TSPAN5: variants seen among roughly 807,000 people sequenced by gnomAD.
TSPAN5 encodes tetraspanin-5.
A neutral mutation model predicts 37.1 loss-of-function variants in TSPAN5; 10 were observed. The ratio of observed to expected loss-of-function variants is 0.27; its 90% CI spans 0.17 to 0.46. The LOEUF is 0.46. Among genes scored for constraint, TSPAN5 ranks in the 20% least tolerant of loss-of-function variants. The pLI, the probability that TSPAN5 is intolerant of heterozygous loss-of-function variation, is 1.00. For synonymous variants in TSPAN5, 110 were observed against 118.9 expected (o/e 0.93, Z 0.48); for missense variants, 195 against 326.6 (o/e 0.60, Z 3.11).
At chr4:98,554,777 C>T (rs1359278582) in intron 1 of TSPAN5, among the ~76,000 whole-genome samples, 4 of 152,128 alleles carry the variant, frequency 2.6e-5, no homozygotes, top group African/African-American at 7.2e-5. Context: ...GACCTGAAGG[C>T]CAGATCCACA....
intron 1 of TSPAN5, among the ~76,000 whole-genome samples, chr4:98,568,531 C>T (rs1755055864): frequency 6.6e-6 from 1 of 151,948 alleles, no homozygotes; most frequent in Non-Finnish European, 1.5e-5. Context: ...GACAGTCCCC[C>T]ACCCCCAGCC....
At chr4:98,545,536 T>A (rs902006277) in intron 1 of TSPAN5, among the ~76,000 whole-genome samples, 1 of 146,190 alleles carries the variant, frequency 6.8e-6, no homozygotes, top group African/African-American at 2.5e-5. Flanking sequence ...CACATAAGAC[T>A]TTTTTTTTTT....
chr4:98,624,258 T>C (rs1180780832), intron 1 of TSPAN5, among the ~76,000 whole-genome samples: 2 of 151,206 alleles, frequency 1.3e-5, no homozygotes, highest in East Asian at 1.9e-4. Flanking sequence ...AGAATTGAAA[T>C]ACAAACCTTT....
At chr4:98,537,844 T>C (rs1754271317) in intron 1 of TSPAN5, among the ~76,000 whole-genome samples, 1 of 152,232 alleles carries the variant, frequency 6.6e-6, no homozygotes, top group African/African-American at 2.4e-5. Flanking sequence ...GGCAAGGTCA[T>C]CCTGGTTTTG....
At chr4:98,544,737 C>A (rs1578981418) in intron 1 of TSPAN5, among the ~76,000 whole-genome samples, 1 of 152,244 alleles carries the variant, frequency 6.6e-6, no homozygotes, top group African/African-American at 2.4e-5. Flanking sequence ...AAAAGAACAT[C>A]TTAGCAGTGA....
At chr4:98,579,968 C>T (rs1235760101) in intron 1 of TSPAN5, among the ~76,000 whole-genome samples, 5 of 152,198 alleles carry the variant, frequency 3.3e-5, no homozygotes, top group South Asian at 2.1e-4. Context: ...AAAGAATGAA[C>T]GTATCATATA....
rs373595576 is a variant in TSPAN5, at chr4:98,513,320, T to C, written c.82-5592A>G. Among the ~76,000 whole-genome samples, 142 of 152,116 alleles carry C rather than the reference T, an allele frequency of 9.3e-4. 1 individual carries two copies. The highest frequency in any genetic ancestry group is 5.9e-4 in the Admixed American group (9 of 15,272). On this transcript the variant is annotated intron_variant, in intron 1 of 7. Transcript: ENST00000305798. Reference sequence around the variant, plus strand: ...GCCAGGAAGCCATTTAAAGGCCAGCTATGTGTGGTGAGCAGGGGTGGGGTA... The same window carrying C: ...GCCAGGAAGCCATTTAAAGGCCAGCCATGTGTGGTGAGCAGGGGTGGGGTA...
At chr4:98,490,945 C>G (rs1185485443) in intron 2 of TSPAN5, among the ~76,000 whole-genome samples, 1 of 152,022 alleles carries the variant, frequency 6.6e-6, no homozygotes, top group Non-Finnish European at 1.5e-5. Flanking sequence ...GCCTGTAGTT[C>G]CAGCAACTCG....
intron 1 of TSPAN5, chr4:98,560,253 C>T (rs1156294807): frequency 6.6e-6 from 1 of 152,176 alleles, no homozygotes; most frequent in Non-Finnish European, 1.5e-5. Flanking sequence ...GGCTCATAAG[C>T]AGACTTTTTC....
chr4:98,583,948 C>CCAAA (rs1159879853), intron 1 of TSPAN5, among the ~76,000 whole-genome samples: 31 of 152,256 alleles, frequency 2.0e-4, no homozygotes, highest in African/African-American at 7.5e-4. Context: ...GAATCTGGAA[C>CCAAA]TTTGCCATGC....
intron 1 of TSPAN5, among the ~76,000 whole-genome samples, chr4:98,544,411 G>C (rs371210920): frequency 1.1e-4 from 16 of 152,236 alleles, no homozygotes; most frequent in East Asian, 5.8e-4. Context: ...GTGTCTGTGT[G>C]TGTGTGTGTA....
Position 98,630,047 on chromosome 4 carries a change from A to T in TSPAN5, c.81+28099T>A, listed in dbSNP as rs548765431. ...TCCCTAAATCTTAACATATGCACTG[A>T]CTGCATTTGGTGTGGTCAGAGATGG... On this transcript the variant is annotated intron_variant, in intron 1 of 7. Transcript: ENST00000305798. Among the ~76,000 whole-genome samples, 4 of 152,330 alleles carry T rather than the reference A, an allele frequency of 2.6e-5. No homozygotes were observed. The South Asian group carries it at 8.3e-4, about 32-fold the overall frequency.
intron 1 of TSPAN5, among the ~76,000 whole-genome samples, chr4:98,529,688 GAGA>G (rs1217563664): frequency 6.6e-6 from 1 of 152,206 alleles, no homozygotes; most frequent in East Asian, 1.9e-4. Context: ...AATGCAGGAT[GAGA>G]AGATCTATTG....
chr4:98,545,606 T>G (rs927930016), intron 1 of TSPAN5, among the ~76,000 whole-genome samples: 1 of 152,164 alleles, frequency 6.6e-6, no homozygotes, highest in African/African-American at 2.4e-5. Flanking sequence ...ATCGGCTCAT[T>G]ACAACCTCTG....
At chr4:98,585,473 C>G (rs960821854) in intron 1 of TSPAN5, among the ~76,000 whole-genome samples, 1 of 152,102 alleles carries the variant, frequency 6.6e-6, no homozygotes, top group African/African-American at 2.4e-5. Flanking sequence ...CCACACCTGG[C>G]CATTTTTTGT....
rs566808099 is a variant in TSPAN5 at position 98,575,969 on chromosome 4, T to A, written c.82-68241A>T. On this transcript the variant is annotated intron_variant, in intron 1 of 7. Transcript: ENST00000305798. Reference sequence around the variant, plus strand: ...CTGTAATCCCAGCTACTTGGGAGGCTGAGGCAGGAGAATTGCTTGAACCTG... The same window carrying A: ...CTGTAATCCCAGCTACTTGGGAGGCAGAGGCAGGAGAATTGCTTGAACCTG... Among the ~76,000 whole-genome samples the A allele has an allele frequency of 2.0e-5, 3 of 152,216 alleles. No homozygotes were observed. The South Asian group carries it at 6.2e-4, about 32-fold the overall frequency.
Position 98,515,770 on chromosome 4 carries a change from T to C in TSPAN5, c.82-8042A>G, listed in dbSNP as rs200272168. ...GCTTGAGGGTCATTCCAGGAAAAAA[T>C]GTATACAGTATCCCATGCATTTAAA... On this transcript the variant is annotated intron_variant, in intron 1 of 7. Coordinates refer to ENST00000305798, the MANE Select transcript of TSPAN5 (RefSeq NM_005723.4). 8.2e-4 allele frequency among the ~76,000 whole-genome samples: 123 copies of C among 150,464 alleles called. 1 individual carries two copies. The highest frequency in any genetic ancestry group is 2.8e-3 in the African/African-American group (116 of 40,728).
intron 1 of TSPAN5, among the ~76,000 whole-genome samples, chr4:98,550,607 GT>G (rs58062106): frequency 0.048 from 6,641 of 138,954 alleles, 301 homozygotes; most frequent in Admixed American, 0.12. Context: ...TCCCAGCTGG[GT>G]TTTTTTTTTT....
intron 1 of TSPAN5, among the ~76,000 whole-genome samples, chr4:98,535,568 A>G (rs1294169061): frequency 6.6e-6 from 1 of 152,012 alleles, no homozygotes; most frequent in Non-Finnish European, 1.5e-5. Context: ...CCTGAATTTG[A>G]ATGTTGGTCT....
Sources: allele counts gnomAD v4.1 joint callset (sites outside exome capture counted in the v4.1 genomes callset), GRCh38; gene constraint gnomAD v4.1.1; transcripts MANE v1.5; gene names NCBI Gene and HGNC (gene_info 2026-07-23, HGNC 2026-07-21).